Variants in MAST1 observed in about 807,000 individuals in gnomAD.
MAST1 encodes the protein microtubule-associated serine/threonine-protein kinase 1.
MAST1 carries 40 observed loss-of-function variants against 124.6 expected under a neutral mutation model. That is an observed-to-expected ratio of 0.32 (90% CI 0.25 to 0.42). MAST1 has a LOEUF of 0.42. MAST1 is among the 10% of genes least tolerant of loss of function. The pLI, the probability that MAST1 is intolerant of heterozygous loss-of-function variation, is 1.00. For missense variants in MAST1, 1,558 were observed against 2,181.9 expected (o/e 0.71, Z 5.70); for synonymous variants, 938 against 939.4 (o/e 1.00, Z 0.03).
Position 12,869,207 on chromosome 19 carries a change from G to A in MAST1, c.2915G>A (p.Arg972His). Residue 972 changes from arginine (R) to histidine (H), a missense_variant, in exon 22 of 26, where the codon CGC becomes CAC. Coordinates refer to ENST00000251472, the MANE Select transcript of MAST1 (RefSeq NM_014975.3). ...CTCCGCTCCCCCATCACCATCCAGC[G>A]CTCGGGCAAGAAGTATGGCTTCACA... ...SGLRSPITIQ[R>H]SGKKYGFTLR... 2 of 1,614,122 alleles carry A rather than the reference G, an allele frequency of 1.2e-6. No homozygotes were observed. The highest frequency in any genetic ancestry group is 8.5e-7 in the Non-Finnish European group (1 of 1,180,024).
chr19:12,864,707 C>G lies in MAST1; in HGVS notation c.1367-102C>G, dbSNP rs955865387. 14 of 1,478,014 alleles carry G rather than the reference C, an allele frequency of 9.5e-6. No homozygotes were observed. The African/African-American group carries it at 1.4e-4, about 15-fold the overall frequency. The allele number at this position is 1,478,014 out of a possible 1,614,324, so 91.6% of individuals were successfully genotyped here. A position where few individuals can be genotyped will look rare whatever the true frequency, so the allele number is the denominator to read the frequency against. ...CTCTCAGAGCCTCAGTTTCCCTTAT[C>G]TATAAAACGGGTACAACATAACATG... On this transcript the variant is annotated intron_variant, in intron 12 of 25. Coordinates refer to ENST00000251472, the MANE Select transcript of MAST1 (RefSeq NM_014975.3).
Position 12,865,984 on chromosome 19 carries a change from C to A in MAST1, c.1911C>A (p.Gly637=), listed in dbSNP as rs762066400. 3 of 1,613,662 alleles carry A rather than the reference C, an allele frequency of 1.9e-6. No individual in the cohort carries two copies. The African/African-American group carries it at 4.0e-5, about 22-fold the overall frequency. Residue 637 remains glycine (G), a synonymous_variant, in exon 17 of 26, where the codon GGC becomes GGA. Transcript: ENST00000251472. This position sits in a 1 kb window ranked among gnomAD's most constrained non-coding sequence, Gnocchi z 7.1. ...TNPLVRLGAG[G]AFEVKQHSFF... The stretch of plus-strand genomic sequence containing the variant: ...CTGGAATCCCTTCCGTCCCAGGCGG[C>A]GCTTTTGAGGTGAAGCAGCACAGTT...
Position 12,848,018 on chromosome 19 carries a change from C to T in MAST1, c.735C>T (p.Phe245=). The part of the protein sequence containing the change: ...SRDGLITTVY[F]YELQENLEKL... ...ACGGCCTCATCACCACGGTCTACTT[C>T]TATGAATTGCAGGAGAACCTGGAGA... The change falls in exon 7 of 26, where the codon TTC becomes TTT. Residue 245 remains phenylalanine (F), a synonymous_variant. Transcript: ENST00000251472. 1.2e-6 allele frequency: 2 copies of T among 1,614,128 alleles called. No individual in the cohort carries two copies. Among genetic ancestry groups the T allele is most frequent in the African/African-American group, 1.3e-5 (1 of 75,068 alleles).
At chr19:12,861,367 G>A (rs1970080526) in intron 12 of MAST1, among the ~76,000 whole-genome samples, 1 of 152,042 alleles carries the variant, frequency 6.6e-6, no homozygotes, top group Non-Finnish European at 1.5e-5. Flanking sequence ...CCCAGCCAGG[G>A]CATTTCATAG....
intron 10 of MAST1, among the ~76,000 whole-genome samples, chr19:12,853,994 C>A (rs1239726472): frequency 2.6e-5 from 4 of 151,372 alleles, no homozygotes; most frequent in Non-Finnish European, 2.9e-5. Context: ...AGTTGCAGAA[C>A]TTTTTTATCA....
chr19:12,850,952 CTTTT>C (rs201211037), intron 7 of MAST1, among the ~76,000 whole-genome samples: 2 of 137,574 alleles, frequency 1.5e-5, no homozygotes. Context: ...TTTTTCTTTT[CTTTT>C]TTTTTTTTTT....
chr19:12,840,441 C>A lies in MAST1; in HGVS notation c.84-5C>A. ...CCCGGCCCCCCTGCCTTACCTTCCCCGCAGCTGCCGCACCAGTAATCGGAA... is the reference window on the plus strand; with the variant it reads ...CCCGGCCCCCCTGCCTTACCTTCCCAGCAGCTGCCGCACCAGTAATCGGAA... On this transcript the variant is annotated splice_polypyrimidine_tract_variant and splice_region_variant and intron_variant, in intron 1 of 25. Coordinates refer to ENST00000251472, the MANE Select transcript of MAST1 (RefSeq NM_014975.3). The A allele has an allele frequency of 6.2e-7, 1 of 1,609,660 alleles. No individual in the cohort carries two copies. The highest frequency in any genetic ancestry group is 8.5e-7 in the Non-Finnish European group (1 of 1,176,656).
intron 4 of MAST1, among the ~76,000 whole-genome samples, chr19:12,844,390 G>C (rs1048772539): frequency 6.6e-6 from 1 of 152,316 alleles, no homozygotes; most frequent in Non-Finnish European, 1.5e-5. Context: ...GTGGTAGGCG[G>C]GTTCTGCAAG....
rs779602575 is a variant in MAST1, at chr19:12,838,587, C to G, written c.15C>G (p.Leu5=). The G allele has an allele frequency of 3.1e-5, 50 of 1,608,960 alleles. No individual in the cohort carries two copies. The highest frequency in any genetic ancestry group is 4.2e-5 in the Non-Finnish European group (49 of 1,178,356). Reference sequence around the variant, plus strand: ...GCCGCCGGGTCATGTCTGACTCTCTCTGGACCGCGCTTTCTAATTTCTCGA... The same window carrying G: ...GCCGCCGGGTCATGTCTGACTCTCTGTGGACCGCGCTTTCTAATTTCTCGA... MSDS[L]WTALSNFSMP... is the part of the protein sequence containing the mutation. The change falls in exon 1 of 26, where the codon CTC becomes CTG. Residue 5 remains leucine (L), a synonymous_variant. Transcript: ENST00000251472. This position sits in a 1 kb window ranked among gnomAD's most constrained non-coding sequence, Gnocchi z 4.3.
Position 12,842,251 on chromosome 19 carries a change from AAC to A in MAST1, c.248+1189_248+1190del, listed in dbSNP as rs554233905. Among the ~76,000 whole-genome samples, 116 of 150,710 alleles carry A rather than the reference AAC, an allele frequency of 7.7e-4. 1 individual carries two copies. Among genetic ancestry groups the A allele is most frequent in the Non-Finnish European group, 1.4e-3 (95 of 67,732 alleles). ...GTGAGTGTGTGGCTGTGAGATAGTAAACACAGAGTCACAGTGTTTACTGTCTC... is the reference window on the plus strand; with the variant it reads ...GTGAGTGTGTGGCTGTGAGATAGTAAACAGAGTCACAGTGTTTACTGTCTC... On this transcript the variant is annotated intron_variant, in intron 3 of 25. Transcript: ENST00000251472.
Position 12,866,569 on chromosome 19 carries a change from C to A in MAST1, c.2030-84C>A. ...CTGACCTGAAGACTTGTAAACCCGT[C>A]TTGAACCAGGACTGGGCTCCTGTGG... On this transcript the variant is annotated intron_variant, in intron 17 of 25. Transcript: ENST00000251472. The surrounding 1 kb of genome is among the most constrained non-coding windows in gnomAD (Gnocchi z 5.2). The A allele has an allele frequency of 1.1e-6, 1 of 887,388 alleles. No individual in the cohort carries two copies. The highest frequency in any genetic ancestry group is 1.8e-6 in the Non-Finnish European group (1 of 547,648). 55.0% of individuals were successfully genotyped at this position (887,388 alleles called of 1,614,324 possible). A position where few individuals can be genotyped will look rare whatever the true frequency, so the allele number is the denominator to read the frequency against.
In MAST1 at chr19:12,866,862, G is replaced by A; in HGVS notation, c.2139+100G>A. 1 of 1,019,448 alleles carries A rather than the reference G, an allele frequency of 9.8e-7. No homozygotes were observed. Among genetic ancestry groups the A allele is most frequent in the Non-Finnish European group, 1.5e-6 (1 of 675,924 alleles). The allele number at this position is 1,019,448 out of a possible 1,614,324, so 63.2% of individuals were successfully genotyped here. A position where few individuals can be genotyped will look rare whatever the true frequency, so the allele number is the denominator to read the frequency against. On this transcript the variant is annotated intron_variant, in intron 18 of 25. Coordinates refer to ENST00000251472, the MANE Select transcript of MAST1 (RefSeq NM_014975.3). The surrounding 1 kb of genome is among the most constrained non-coding windows in gnomAD (Gnocchi z 5.2). ...TTCCCTGGTGCCCAAGGTCTCAGGA[G>A]CGGGAAGTTATTGATGGGGCGGGAG...
chr19:12,864,869 T>G lies in MAST1; in HGVS notation c.1427T>G (p.Met476Arg). 6.2e-7 allele frequency: 1 copy of G among 1,614,104 alleles called. No individual in the cohort carries two copies. Among genetic ancestry groups the G allele is most frequent in the Non-Finnish European group, 8.5e-7 (1 of 1,180,028 alleles). ...GCGCTGCCCGTAGAGATGGCCCGCA[T>G]GTACTTTGCTGAGACGGTGCTAGCC... ...IGALPVEMAR[M>R]YFAETVLALE... The change falls in exon 13 of 26, where the codon ATG becomes AGG. Residue 476 changes from methionine (M) to arginine (R), a missense_variant. This residue lies in a region of MAST1 where 145 missense variants were observed against 350.0 expected (regional missense o/e 0.41). Transcript: ENST00000251472.
intron 3 of MAST1, among the ~76,000 whole-genome samples, chr19:12,842,274 GTCTC>G (rs545357104): frequency 6.2e-4 from 93 of 151,072 alleles, no homozygotes; most frequent in East Asian, 2.1e-3. Flanking sequence ...AGTGTTTACT[GTCTC>G]TCTCTCTCTC....
rs1969828281 is a variant in MAST1 at position 12,841,588 on chromosome 19, G to A, written c.248+522G>A. Among the ~76,000 whole-genome samples the A allele has an allele frequency of 6.6e-6, 1 of 152,222 alleles. No individual in the cohort carries two copies. The highest frequency in any genetic ancestry group is 1.5e-5 in the Non-Finnish European group (1 of 68,038). On this transcript the variant is annotated intron_variant, in intron 3 of 25. Coordinates refer to ENST00000251472, the MANE Select transcript of MAST1 (RefSeq NM_014975.3). This position sits in a 1 kb window ranked among gnomAD's most constrained non-coding sequence, Gnocchi z 4.3. ...TTGGTGAAACTGGGGGAGGCAGAGAGGTTTCTCTGATGTTTTCTGGAGAAA... is the reference window on the plus strand; with the variant it reads ...TTGGTGAAACTGGGGGAGGCAGAGAAGTTTCTCTGATGTTTTCTGGAGAAA...
At position 12,847,722 on chromosome 19, in the gene MAST1, A is replaced by G. The variant is rs774592972; in HGVS notation, c.564+35A>G. 3.3e-5 allele frequency: 53 copies of G among 1,607,328 alleles called. No individual in the cohort carries two copies. The highest frequency in any genetic ancestry group is 4.1e-5 in the Non-Finnish European group (48 of 1,175,584). ...GACCCGAGGCGGTCACGGGGTGACC[A>G]GGCGGCCTGCACTCTCGCTCGCCTT... On this transcript the variant is annotated intron_variant, in intron 6 of 25. Coordinates refer to ENST00000251472, the MANE Select transcript of MAST1 (RefSeq NM_014975.3). The surrounding 1 kb of genome is among the most constrained non-coding windows in gnomAD (Gnocchi z 5.5).
Position 12,874,395 on chromosome 19 carries a change from G to A in MAST1, c.4238G>A (p.Ser1413Asn). 6.3e-7 allele frequency: 1 copy of A among 1,598,770 alleles called. No individual in the cohort carries two copies. The highest frequency in any genetic ancestry group is 8.5e-7 in the Non-Finnish European group (1 of 1,179,176). ...MARAVAKAAL[S>N]PVQEHETGRR... is the part of the protein sequence containing the mutation. The stretch of plus-strand genomic sequence containing the variant: ...AGGGCTGTGGCCAAGGCGGCGCTGA[G>A]CCCGGTGCAGGAACACGAGACAGGC... The change falls in exon 26 of 26, where the codon AGC (serine) becomes AAC (asparagine). Residue 1413 changes from serine to asparagine, a missense_variant. Physicochemically the swap from Ser to Asn is conservative, Grantham distance 46. Around this residue, in one of 10 missense-constraint regions of MAST1, gnomAD observed 263 missense variants for 310.9 expected, o/e 0.85. Transcript: ENST00000251472. This position sits in a 1 kb window ranked among gnomAD's most constrained non-coding sequence, Gnocchi z 6.6.
chr19:12,872,083 G>C (rs1417584960), intron 24 of MAST1, among the ~76,000 whole-genome samples: 1 of 152,100 alleles, frequency 6.6e-6, no homozygotes, highest in African/African-American at 2.4e-5. Flanking sequence ...GACGGAGGGG[G>C]TCCAGGAGAT....
intron 4 of MAST1, among the ~76,000 whole-genome samples, chr19:12,845,088 G>A (rs952295989): frequency 6.6e-6 from 1 of 152,096 alleles, no homozygotes; most frequent in South Asian, 2.1e-4. Context: ...GATCATTTGA[G>A]GTCAGGAGTT....
Sources: allele counts gnomAD v4.1 joint callset (sites outside exome capture counted in the v4.1 genomes callset), GRCh38; gene constraint gnomAD v4.1.1; regional missense constraint gnomAD v4.1.1; non-coding constraint Gnocchi (gnomAD v3.1); transcripts MANE v1.5; gene names NCBI Gene and HGNC (gene_info 2026-07-23, HGNC 2026-07-21).